The following PRKAG2 variants were observed in gnomAD, a reference collection of about 807,000 sequenced individuals.
PRKAG2 encodes protein kinase AMP-activated non-catalytic subunit gamma 2.
Under a neutral mutation model 69.6 loss-of-function variants are expected in PRKAG2, and 26 were observed. That is an observed-to-expected ratio of 0.37 (90% CI 0.27 to 0.52). The LOEUF is 0.52. Among genes scored for constraint, PRKAG2 ranks in the 20% least tolerant of loss-of-function variants. PRKAG2 has a pLI of 0.90. For missense variants in PRKAG2, 557 were observed against 740.0 expected, an observed-to-expected ratio of 0.75 and a Z score of 2.87; for synonymous variants, 293 against 285.0, an observed-to-expected ratio of 1.03 and a Z score of -0.28.
chr7:151,635,520 A>G lies in PRKAG2; in HGVS notation c.685-3382T>C, dbSNP rs186994697. ...ACTACTCAGCAAGAAAAAGGAAGGA[A>G]CTACTGACACATACAACAACTTGGA... is the stretch of plus-strand genomic sequence containing the variant. On this transcript the variant is annotated intron_variant, in intron 4 of 15. Coordinates refer to ENST00000287878, the MANE Select transcript of PRKAG2 (RefSeq NM_016203.4). Among the ~76,000 whole-genome samples, 4 of 152,328 alleles carry G rather than the reference A, an allele frequency of 2.6e-5. No individual in the cohort carries two copies. In the East Asian group the frequency reaches 7.7e-4, roughly 29 times the overall value.
chr7:151,710,433 A>G (rs943666070), intron 3 of PRKAG2, among the ~76,000 whole-genome samples: 8 of 152,134 alleles, frequency 5.3e-5, no homozygotes, highest in African/African-American at 1.9e-4. Flanking sequence ...CACTGAGGCC[A>G]CATGAACCTT....
At chr7:151,727,557 C>T (rs977312608) in intron 3 of PRKAG2, among the ~76,000 whole-genome samples, 1 of 152,214 alleles carries the variant, frequency 6.6e-6, no homozygotes, top group African/African-American at 2.4e-5. Context: ...CCTGGAGACG[C>T]AGGGGTTTGC....
chr7:151,734,154 C>T (rs530598586), intron 3 of PRKAG2: 1 of 152,358 alleles, frequency 6.6e-6, no homozygotes, highest in East Asian at 1.9e-4. Flanking sequence ...CCTGCTCTCC[C>T]CCGAGGACTC....
In PRKAG2 at chr7:151,835,617, A is replaced by C. The variant is rs1015079431; in HGVS notation, c.114+40890T>G. Among the ~76,000 whole-genome samples the C allele has an allele frequency of 6.6e-6, 1 of 151,882 alleles. No homozygotes were observed. The highest frequency in any genetic ancestry group is 1.5e-5 in the Non-Finnish European group (1 of 67,964). ...AGGCGTAAGCTCGCCTTTAGGAACC[A>C]CTCTCGTTGTGGTTTTAAATTGTCA... On this transcript the variant is annotated intron_variant, in intron 1 of 15. Coordinates refer to ENST00000287878, the MANE Select transcript of PRKAG2 (RefSeq NM_016203.4). This position sits in a 1 kb window ranked among gnomAD's most constrained non-coding sequence, Gnocchi z 4.1.
Position 151,781,975 on chromosome 7 carries a change from A to C in PRKAG2, c.187-544T>G, listed in dbSNP as rs1226663329. Among the ~76,000 whole-genome samples, 1 of 152,110 alleles carries C rather than the reference A, an allele frequency of 6.6e-6. No homozygotes were observed. Among genetic ancestry groups the C allele is most frequent in the Non-Finnish European group, 1.5e-5 (1 of 68,028 alleles). On this transcript the variant is annotated intron_variant, in intron 2 of 15. Transcript: ENST00000287878. This position sits in a 1 kb window ranked among gnomAD's most constrained non-coding sequence, Gnocchi z 6.1. Reference sequence around the variant, plus strand: ...GAGGTTGCCAACAGAAGTCAGGAGAAAAGTTCACAAAGCCAGCCGGGTACG... The same window carrying C: ...GAGGTTGCCAACAGAAGTCAGGAGACAAGTTCACAAAGCCAGCCGGGTACG...
At chr7:151,733,709 T>A (rs1799315228) in intron 3 of PRKAG2, among the ~76,000 whole-genome samples, 1 of 151,966 alleles carries the variant, frequency 6.6e-6, no homozygotes, top group African/African-American at 2.4e-5. Context: ...GTCACCATTT[T>A]TTTTTTTTTG....
At chr7:151,711,806 G>A (rs186042075) in intron 3 of PRKAG2, among the ~76,000 whole-genome samples, 56 of 152,274 alleles carry the variant, frequency 3.7e-4, no homozygotes, top group Non-Finnish European at 7.3e-5. Flanking sequence ...CCTGAGAGCC[G>A]CTAGCCTGTC....
chr7:151,802,481 G>T (rs965007992), intron 1 of PRKAG2, among the ~76,000 whole-genome samples: 1 of 152,164 alleles, frequency 6.6e-6, no homozygotes, highest in South Asian at 2.1e-4. Flanking sequence ...AAGAAGAAAG[G>T]GGAACTCCAC....
chr7:151,692,118 T>C (rs547747316), intron 3 of PRKAG2, among the ~76,000 whole-genome samples: 1 of 151,976 alleles, frequency 6.6e-6, no homozygotes, highest in South Asian at 2.1e-4. Flanking sequence ...AGTCTGGGAG[T>C]TCAAGGCTGC....
At chr7:151,742,274 G>C (rs1401976371) in intron 3 of PRKAG2, among the ~76,000 whole-genome samples, 3 of 152,194 alleles carry the variant, frequency 2.0e-5, no homozygotes, top group Non-Finnish European at 4.4e-5. Flanking sequence ...ATTTGGAAAA[G>C]AATTTCTCTC....
chr7:151,731,535 T>TGTGTGTGTGTGC (rs10689682), intron 3 of PRKAG2, among the ~76,000 whole-genome samples: 3,283 of 151,688 alleles, frequency 0.022, 59 homozygotes, highest in Middle Eastern at 0.038. Flanking sequence ...TGTGTGTGTG[T>TGTGTGTGTGTGC]GCGCACAGGT....
chr7:151,680,986 A>G (rs1353400234), intron 3 of PRKAG2, among the ~76,000 whole-genome samples: 1 of 152,222 alleles, frequency 6.6e-6, no homozygotes, highest in African/African-American at 2.4e-5. Context: ...TTCTTTGGGT[A>G]CAGAACGTTC....
chr7:151,564,207 T>C lies in PRKAG2; in HGVS notation c.1455A>G (p.Lys485=), dbSNP rs1322967483. ...CCGTGATATCTAGGTTATTGTATGT[T>C]TTCTCAGCAGCAAGATTCTGTAATG... ...KFDVINLAAE[K]TYNNLDITVT... Residue 485 remains lysine (K), a synonymous_variant, in exon 14 of 16, where the codon AAA becomes AAG. Coordinates refer to ENST00000287878, the MANE Select transcript of PRKAG2 (RefSeq NM_016203.4). The C allele has an allele frequency of 5.0e-6, 8 of 1,614,192 alleles. No homozygotes were observed. The highest frequency in any genetic ancestry group is 4.4e-5 in the South Asian group (4 of 91,092).
intron 5 of PRKAG2, among the ~76,000 whole-genome samples, chr7:151,622,364 C>T (rs1307565737): frequency 1.3e-5 from 2 of 152,230 alleles, no homozygotes; most frequent in Non-Finnish European, 2.9e-5. Flanking sequence ...CGTCCTCTGA[C>T]AGTTTCTACT....
chr7:151,836,383 G>T lies in PRKAG2; in HGVS notation c.114+40124C>A, dbSNP rs2079148241. 6.6e-6 allele frequency among the ~76,000 whole-genome samples: 1 copy of T among 152,190 alleles called. No homozygotes were observed. Among genetic ancestry groups the T allele is most frequent in the African/African-American group, 2.4e-5 (1 of 41,444 alleles). On this transcript the variant is annotated intron_variant, in intron 1 of 15. Transcript: ENST00000287878. The surrounding 1 kb of genome is among the most constrained non-coding windows in gnomAD (Gnocchi z 4.1). ...AGAGAATGGGGTGGTGGCTGCCCCA[G>T]GCCAGCTGGTCCAGGCAGCTTCCCT...
intron 7 of PRKAG2, among the ~76,000 whole-genome samples, chr7:151,575,744 G>A (rs1199131050): frequency 6.6e-6 from 1 of 152,016 alleles, no homozygotes; most frequent in African/African-American, 2.4e-5. Context: ...ATCTGACTGT[G>A]GTGTCCTACG....
At chr7:151,856,738 G>C (rs1048981114) in intron 1 of PRKAG2, among the ~76,000 whole-genome samples, 8 of 152,152 alleles carry the variant, frequency 5.3e-5, no homozygotes, top group Non-Finnish European at 1.0e-4. Context: ...CGGTCACGGC[G>C]TCCCCACCGG....
intron 1 of PRKAG2, among the ~76,000 whole-genome samples, chr7:151,827,745 TAAAAAAA>T (rs55685618): frequency 1.0e-3 from 54 of 52,258 alleles, no homozygotes; most frequent in Admixed American, 5.9e-3. Flanking sequence ...TGGCCTTAGG[TAAAAAAA>T]AAAAAAAAAA....
chr7:151,633,043 C>A (rs565590219), intron 4 of PRKAG2: 1 of 152,402 alleles, frequency 6.6e-6, no homozygotes, highest in Admixed American at 6.5e-5. Context: ...AGGTCCCTGG[C>A]CCCACGGCCC....
Sources: allele counts gnomAD v4.1 joint callset (sites outside exome capture counted in the v4.1 genomes callset), GRCh38; gene constraint gnomAD v4.1.1; non-coding constraint Gnocchi (gnomAD v3.1); transcripts MANE v1.5; gene names NCBI Gene and HGNC (gene_info 2026-07-23, HGNC 2026-07-21).